LYSMD2: variants seen among roughly 807,000 people sequenced by gnomAD.
LYSMD2 encodes LysM domain containing 2, also known as lysM and putative peptidoglycan-binding domain-containing protein 2.
Under a neutral mutation model 17.7 loss-of-function variants are expected in LYSMD2, and 6 were observed. That is an observed-to-expected ratio of 0.34 (90% CI 0.19 to 0.67). LYSMD2 has a LOEUF of 0.67. Ranked by LOEUF, LYSMD2 falls within the 30% of genes least tolerant of loss-of-function variation. LYSMD2 has a pLI of 0.69. For synonymous variants in LYSMD2, 102 were observed against 129.8 expected, an observed-to-expected ratio of 0.79 and a Z score of 1.45; for missense variants, 237 against 286.7, an observed-to-expected ratio of 0.83 and a Z score of 1.25.
intron 1 of LYSMD2, among the ~76,000 whole-genome samples, chr15:51,744,066 A>G (rs914122359): frequency 6.6e-6 from 1 of 152,158 alleles, no homozygotes; most frequent in Non-Finnish European, 1.5e-5. Flanking sequence ...TTTTCTACAT[A>G]GATAATCATG....
upstream of LYSMD2, among the ~76,000 whole-genome samples, chr15:51,741,773 A>C (rs1276747023): frequency 1.3e-5 from 2 of 152,118 alleles, no homozygotes; most frequent in East Asian, 1.9e-4. Context: ...TACAAAAATT[A>C]GCCTGGTGTG....
intron 1 of LYSMD2, among the ~76,000 whole-genome samples, chr15:51,745,113 T>C (rs1595855172): frequency 6.6e-6 from 1 of 152,174 alleles, no homozygotes; most frequent in Admixed American, 6.5e-5. Flanking sequence ...ACACTGAATT[T>C]GTCATTTTTA....
intron 1 of LYSMD2, among the ~76,000 whole-genome samples, chr15:51,749,750 A>C (rs1398800558): frequency 1.3e-5 from 2 of 152,248 alleles, no homozygotes; most frequent in Non-Finnish European, 2.9e-5. Context: ...GAAGGCTATG[A>C]CTGTAACAAA....
chr15:51,724,519 T>C lies in LYSMD2; in HGVS notation c.605+271A>G, dbSNP rs115211999. Among the ~76,000 whole-genome samples the C allele has an allele frequency of 3.8e-3, 576 of 152,246 alleles. 6 individuals carry two copies. The highest frequency in any genetic ancestry group is 0.013 in the African/African-American group (560 of 41,552). On this transcript the variant is annotated intron_variant, in intron 2 of 2. Coordinates refer to ENST00000267838, the MANE Select transcript of LYSMD2 (RefSeq NM_153374.3). Reference sequence around the variant, plus strand: ...AAACACTGCAACAGATAAAGCCTTGTGCATCAGGCAGCAGCTCTGTTTAGA... The same window carrying C: ...AAACACTGCAACAGATAAAGCCTTGCGCATCAGGCAGCAGCTCTGTTTAGA...
In LYSMD2 at chr15:51,737,377, C is replaced by T; in HGVS notation, c.246G>A (p.Gln82=). The change falls in exon 1 of 3, where the codon CAG becomes CAA. Residue 82 remains glutamine (Q), a synonymous_variant. Coordinates refer to ENST00000267838, the MANE Select transcript of LYSMD2 (RefSeq NM_153374.3). The surrounding 1 kb of genome is among the most constrained non-coding windows in gnomAD (Gnocchi z 4.2). ...TGACACCGTACTTGAGCGCGATGCC[C>T]TGCAGCGTGTCGCCCGCGCGGACCC... ...EHRVRAGDTL[Q]GIALKYGVTM... The T allele has an allele frequency of 1.4e-6, 2 of 1,455,998 alleles. No homozygotes were observed. The highest frequency in any genetic ancestry group is 1.8e-6 in the Non-Finnish European group (2 of 1,109,384). 90.2% of individuals were successfully genotyped at this position (1,455,998 alleles called of 1,614,324 possible). A position where few individuals can be genotyped will look rare whatever the true frequency, so the allele number is the denominator to read the frequency against.
upstream of LYSMD2, among the ~76,000 whole-genome samples, chr15:51,740,100 A>G (rs1301707871): frequency 2.6e-5 from 4 of 152,198 alleles, no homozygotes; most frequent in East Asian, 7.7e-4. Flanking sequence ...CTGGGACTAC[A>G]GCATGTGCCA....
intron 1 of LYSMD2, among the ~76,000 whole-genome samples, chr15:51,734,579 G>A (rs1217785206): frequency 6.6e-6 from 1 of 152,188 alleles, no homozygotes. Context: ...GAGTTGCCAT[G>A]GAGAGACAGG....
At chr15:51,734,290 C>T (rs2055595428) in intron 1 of LYSMD2, among the ~76,000 whole-genome samples, 1 of 152,172 alleles carries the variant, frequency 6.6e-6, no homozygotes, top group Non-Finnish European at 1.5e-5. Flanking sequence ...TTTTAGTTTG[C>T]CCCAGAGTAT....
intron 1 of LYSMD2, among the ~76,000 whole-genome samples, chr15:51,742,943 C>T (rs2055650500): frequency 6.6e-6 from 1 of 152,146 alleles, no homozygotes; most frequent in African/African-American, 2.4e-5. Flanking sequence ...GCCGGGGGGA[C>T]ACAGTGAGAC....
intron 1 of LYSMD2, among the ~76,000 whole-genome samples, chr15:51,749,724 C>G (rs1249885301): frequency 2.6e-5 from 4 of 152,302 alleles, no homozygotes; most frequent in Non-Finnish European, 2.9e-5. Context: ...GTAAGCAGCC[C>G]TGTTCTTATT....
intron 1 of LYSMD2, among the ~76,000 whole-genome samples, chr15:51,736,890 A>G (rs180776812): frequency 2.0e-4 from 30 of 152,348 alleles, no homozygotes; most frequent in African/African-American, 7.2e-4. Flanking sequence ...GAACAACTGC[A>G]CCATTCCTGA....
At chr15:51,734,491 C>G (rs991154664) in intron 1 of LYSMD2, among the ~76,000 whole-genome samples, 1 of 152,178 alleles carries the variant, frequency 6.6e-6, no homozygotes, top group Non-Finnish European at 1.5e-5. Context: ...CTTCCTTGTA[C>G]CTAGACTACG....
At chr15:51,736,773 G>A (rs1489914926) in intron 1 of LYSMD2, among the ~76,000 whole-genome samples, 3 of 151,862 alleles carry the variant, frequency 2.0e-5, no homozygotes, top group Non-Finnish European at 4.4e-5. Flanking sequence ...GTTCTTGGCT[G>A]CTGCTTAGCG....
chr15:51,737,029 C>T lies in LYSMD2; in HGVS notation c.273+321G>A, dbSNP rs1238779459. Reference sequence around the variant, plus strand: ...TCACGGGGATGCCAAAGCCCTAGTCCTCTTCGGCCTCCCTCACGCGACAGA... The same window carrying T: ...TCACGGGGATGCCAAAGCCCTAGTCTTCTTCGGCCTCCCTCACGCGACAGA... On this transcript the variant is annotated intron_variant, in intron 1 of 2. Transcript: ENST00000267838. This position sits in a 1 kb window ranked among gnomAD's most constrained non-coding sequence, Gnocchi z 4.2. 6.6e-6 allele frequency among the ~76,000 whole-genome samples: 1 copy of T among 152,204 alleles called. No individual in the cohort carries two copies. Among genetic ancestry groups the T allele is most frequent in the Non-Finnish European group, 1.5e-5 (1 of 68,010 alleles).
At chr15:51,749,488 C>A (rs1459167186) in intron 1 of LYSMD2, among the ~76,000 whole-genome samples, 1 of 152,216 alleles carries the variant, frequency 6.6e-6, no homozygotes, top group Non-Finnish European at 1.5e-5. Context: ...TAACTTAAAT[C>A]ATTCCCCTGT....
At chr15:51,740,789 G>GA (rs968474180), upstream of LYSMD2, among the ~76,000 whole-genome samples, 188 of 143,986 alleles carry the variant, frequency 1.3e-3, 1 homozygote, top group South Asian at 3.5e-3. Flanking sequence ...CGTAGGAGCA[G>GA]AAAAAAAAAT....
chr15:51,743,493 A>C (rs1005906310), intron 1 of LYSMD2, among the ~76,000 whole-genome samples: 1 of 152,212 alleles, frequency 6.6e-6, no homozygotes. Flanking sequence ...CTATTTGTCT[A>C]TTGTTTCAAG....
At chr15:51,744,899 A>G (rs530941845) in intron 1 of LYSMD2, among the ~76,000 whole-genome samples, 2 of 152,256 alleles carry the variant, frequency 1.3e-5, no homozygotes, top group East Asian at 3.9e-4. Context: ...AAAAGAGAAG[A>G]TTCAAATTCT....
chr15:51,744,565 T>C (rs1246903538), intron 1 of LYSMD2, among the ~76,000 whole-genome samples: 1 of 152,160 alleles, frequency 6.6e-6, no homozygotes, highest in East Asian at 1.9e-4. Flanking sequence ...TGTTGAGGAC[T>C]TTTACATGTG....
Sources: allele counts gnomAD v4.1 joint callset (sites outside exome capture counted in the v4.1 genomes callset), GRCh38; gene constraint gnomAD v4.1.1; non-coding constraint Gnocchi (gnomAD v3.1); transcripts MANE v1.5; gene names NCBI Gene and HGNC (gene_info 2026-07-23, HGNC 2026-07-21).